The following EEFSEC variants were observed in gnomAD, a reference collection of about 807,000 sequenced individuals.
EEFSEC encodes eukaryotic elongation factor, selenocysteine-tRNA specific.
EEFSEC carries 43 observed loss-of-function variants against 42.1 expected under a neutral mutation model. The observed-to-expected ratio is 1.02, with a 90% confidence interval of 0.80 to 1.32. EEFSEC has a LOEUF of 1.32. Among genes scored for constraint, EEFSEC ranks in the 40% most tolerant of loss-of-function variants. The pLI, the probability that EEFSEC is intolerant of heterozygous loss-of-function variation, is 0.00. For missense variants in EEFSEC, 745 were observed against 803.6 expected, an observed-to-expected ratio of 0.93 and a Z score of 0.88; for synonymous variants, 354 against 339.1, an observed-to-expected ratio of 1.04 and a Z score of -0.48.
At chr3:128,185,022 G>A (rs984988772) in intron 1 of EEFSEC, among the ~76,000 whole-genome samples, 8 of 152,056 alleles carry the variant, frequency 5.3e-5, no homozygotes, top group East Asian at 1.9e-4. Context: ...GTAACGGAGC[G>A]AGATCCTGAA....
intron 6 of EEFSEC, chr3:128,367,678 G>A (rs980093945): frequency 1.9e-5 from 19 of 985,252 alleles, no homozygotes; most frequent in Non-Finnish European, 2.2e-5. Flanking sequence ...CACCTTACAG[G>A]GAGAGAGACA....
intron 5 of EEFSEC, among the ~76,000 whole-genome samples, chr3:128,355,721 A>C (rs1173428461): frequency 6.6e-6 from 1 of 152,194 alleles, no homozygotes; most frequent in Non-Finnish European, 1.5e-5. Flanking sequence ...AATAGATAGT[A>C]AGCGCCTGTT....
At chr3:128,177,500 A>T (rs180871194) in intron 1 of EEFSEC, among the ~76,000 whole-genome samples, 42 of 150,426 alleles carry the variant, frequency 2.8e-4, no homozygotes, top group Admixed American at 6.1e-4. Context: ...TTAAACTATC[A>T]ATAAAGCATT....
At chr3:128,200,041 A>G (rs919426906) in intron 1 of EEFSEC, among the ~76,000 whole-genome samples, 2 of 151,778 alleles carry the variant, frequency 1.3e-5, no homozygotes, top group Non-Finnish European at 2.9e-5. Flanking sequence ...GCCTAAAAAT[A>G]TTATTTTAAG....
At chr3:128,236,902 C>T (rs185748874) in intron 1 of EEFSEC, among the ~76,000 whole-genome samples, 11 of 152,350 alleles carry the variant, frequency 7.2e-5, no homozygotes, top group African/African-American at 2.4e-4. Context: ...GTGAAATTCA[C>T]TTACTGTGTT....
intron 4 of EEFSEC, among the ~76,000 whole-genome samples, chr3:128,313,027 C>T (rs1029054032): frequency 2.0e-5 from 3 of 152,128 alleles, no homozygotes; most frequent in Non-Finnish European, 1.5e-5. Flanking sequence ...AAGTAGCCTC[C>T]GTAGGTCTCA....
chr3:128,277,833 A>T (rs539490358), intron 4 of EEFSEC, among the ~76,000 whole-genome samples: 1 of 152,340 alleles, frequency 6.6e-6, no homozygotes, highest in South Asian at 2.1e-4. Context: ...CCTGGGCTGA[A>T]GTCAGGGGAG....
intron 4 of EEFSEC, among the ~76,000 whole-genome samples, chr3:128,301,462 TGAACC>T (rs2066767854): frequency 1.3e-5 from 2 of 152,154 alleles, no homozygotes; most frequent in African/African-American, 4.8e-5. Flanking sequence ...TGAAATGTGG[TGAACC>T]GGTCAGGGAC....
intron 6 of EEFSEC, among the ~76,000 whole-genome samples, chr3:128,379,661 G>A (rs2067750623): frequency 6.6e-6 from 1 of 152,212 alleles, no homozygotes; most frequent in African/African-American, 2.4e-5. Context: ...GGAAGAGGCT[G>A]TCTAGGGGTA....
chr3:128,254,768 G>A (rs1173916233), intron 2 of EEFSEC, among the ~76,000 whole-genome samples: 2 of 152,152 alleles, frequency 1.3e-5, no homozygotes, highest in Non-Finnish European at 1.5e-5. Flanking sequence ...CAGTCACAGA[G>A]TCCTGAGAGT....
chr3:128,351,125 G>A (rs1407308085), intron 5 of EEFSEC, among the ~76,000 whole-genome samples: 1 of 152,096 alleles, frequency 6.6e-6, no homozygotes, highest in Non-Finnish European at 1.5e-5. Flanking sequence ...GGGTAAGAGG[G>A]AGAGAAGCAG....
chr3:128,424,016 ACAGAAACGACACC>A, the EEFSEC span, among the ~76,000 whole-genome samples: 8 of 152,140 alleles, frequency 5.3e-5, no homozygotes, highest in African/African-American at 1.9e-4. Context: ...TGCGGGAGAC[ACAGAAACGACACC>A]CAGAAACACC....
intron 1 of EEFSEC, among the ~76,000 whole-genome samples, chr3:128,166,712 G>T (rs1307939337): frequency 1.3e-5 from 2 of 151,936 alleles, no homozygotes; most frequent in Non-Finnish European, 2.9e-5. Context: ...CTCTCCCAAG[G>T]TGCGGCCCTT....
the EEFSEC span, among the ~76,000 whole-genome samples, chr3:128,424,244 C>A: frequency 1.3e-5 from 2 of 152,232 alleles, no homozygotes; most frequent in African/African-American, 2.4e-5. Context: ...GTCTGCTCTT[C>A]TCCTCAATGG....
intron 1 of EEFSEC, among the ~76,000 whole-genome samples, chr3:128,162,734 A>G (rs951160167): frequency 7.2e-5 from 11 of 152,256 alleles, no homozygotes; most frequent in South Asian, 4.1e-4. Flanking sequence ...AGAACAAAAC[A>G]TATCAAAAGT....
At chr3:128,312,499 C>T (rs2066900266) in intron 4 of EEFSEC, among the ~76,000 whole-genome samples, 2 of 152,270 alleles carry the variant, frequency 1.3e-5, no homozygotes, top group South Asian at 2.1e-4. Flanking sequence ...TTGGTGTGGG[C>T]ACCCACCGGG....
intron 6 of EEFSEC, among the ~76,000 whole-genome samples, chr3:128,359,433 T>G (rs528976513): frequency 2.1e-4 from 32 of 152,236 alleles, no homozygotes; most frequent in African/African-American, 6.7e-4. Context: ...TGGAATAGAA[T>G]GTGGTGATGC....
intron 1 of EEFSEC, among the ~76,000 whole-genome samples, chr3:128,179,334 A>G (rs1394660084): frequency 6.6e-6 from 1 of 152,224 alleles, no homozygotes; most frequent in Non-Finnish European, 1.5e-5. Flanking sequence ...CAAACATGGA[A>G]CACAGTTGCA....
chr3:128,292,362 T>A (rs1452111908), intron 4 of EEFSEC, among the ~76,000 whole-genome samples: 2 of 152,042 alleles, frequency 1.3e-5, no homozygotes, highest in African/African-American at 4.8e-5. Context: ...GCTCTTTTTT[T>A]ATTATCTGAA....
Sources: gnomAD v4.1 joint callset for allele counts (sites outside exome capture counted in the v4.1 genomes callset) on GRCh38, gnomAD v4.1.1 for gene constraint, MANE v1.5 for transcripts, NCBI Gene and HGNC (gene_info 2026-07-23, HGNC 2026-07-21) for gene names.